Variants in PHF3 observed in about 807,000 individuals in gnomAD.
PHF3 encodes the protein PHD finger protein 3.
PHF3 carries 41 observed loss-of-function variants against 178.4 expected under a neutral mutation model. That is an observed-to-expected ratio of 0.23 (90% confidence interval 0.18 to 0.30). The LOEUF (loss-of-function observed/expected upper bound fraction) is 0.30, where lower values mean the gene tolerates loss of function less well. PHF3 is among the 10% of genes least tolerant of loss of function. The probability of loss-of-function intolerance (pLI) is 1.00; values close to 1 mark genes in which losing one functional copy is unlikely to be tolerated. For missense variants in PHF3, 2,346 were observed against 2,398.1 expected (o/e 0.98, Z 0.45); for synonymous variants, 842 against 800.5 (o/e 1.05, Z -0.88).
intron 2 of PHF3, among the ~76,000 whole-genome samples, chr6:63,671,811 A>G (rs1371409906): frequency 6.6e-6 from 1 of 152,130 alleles, no homozygotes; most frequent in Non-Finnish European, 1.5e-5. Context: ...CAGTGGTGCG[A>G]TCTCGGCTCA....
intron 6 of PHF3, among the ~76,000 whole-genome samples, chr6:63,697,795 T>G (rs1018406654): frequency 5.3e-5 from 8 of 152,162 alleles, no homozygotes; most frequent in Non-Finnish European, 2.9e-5. Context: ...CAGTGGGATG[T>G]TTGACATTGA....
chr6:63,698,373 A>G lies in PHF3; in HGVS notation c.2825+6A>G, dbSNP rs1428560193. The G allele has an allele frequency of 2.5e-6, 4 of 1,597,628 alleles. No homozygotes were observed. The highest frequency in any genetic ancestry group is 1.7e-5 in the Admixed American group (1 of 58,486). On this transcript the variant is annotated splice_donor_region_variant and intron_variant, in intron 7 of 15. Transcript: ENST00000262043. ...AAAGACATTCTTATGAAGAGGTAAC[A>G]TATATTTTTATTATAGAAGTATCAA...
At position 63,717,070 on chromosome 6, in the gene PHF3, A is replaced by G. The variant is rs1040891345; in HGVS notation, c.*3362A>G. 1.3e-5 allele frequency among the ~76,000 whole-genome samples: 2 copies of G among 152,118 alleles called. No individual in the cohort carries two copies. Among genetic ancestry groups the G allele is most frequent in the Non-Finnish European group, 2.9e-5 (2 of 68,004 alleles). ...GGGTGAATTAATCTGAAATCTTTAT[A>G]GAATAGCTAAGGCTATAGTAAATAC... is the stretch of plus-strand genomic sequence containing the variant. On this transcript the variant is annotated 3_prime_UTR_variant, in exon 16 of 16. Coordinates refer to ENST00000262043, the MANE Select transcript of PHF3 (RefSeq NM_001370348.2).
chr6:63,669,033 C>T (rs540978567), intron 2 of PHF3, among the ~76,000 whole-genome samples: 1 of 152,176 alleles, frequency 6.6e-6, no homozygotes, highest in Non-Finnish European at 1.5e-5. Context: ...AAATTTTTCC[C>T]TTATCTTAAG....
intron 2 of PHF3, among the ~76,000 whole-genome samples, chr6:63,648,918 A>G (rs1008432824): frequency 1.3e-5 from 2 of 152,098 alleles, no homozygotes; most frequent in Non-Finnish European, 2.9e-5. Flanking sequence ...TCATTGTGCC[A>G]TCTAGCAGGG....
rs1457977721 is a variant in PHF3, at chr6:63,691,857, T to C, written c.2310T>C (p.Cys770=). 6.2e-7 allele frequency: 1 copy of C among 1,613,792 alleles called. No homozygotes were observed. The highest frequency in any genetic ancestry group is 1.1e-5 in the South Asian group (1 of 91,080). ...AAGAATATGTCTGTGTAAAATGTTG[T>C]GCTGAAGAAGACAAAAAGACTGAAA... ...EDKEYVCVKC[C]AEEDKKTEIL... is the part of the protein sequence containing the mutation. The change falls in exon 5 of 16, where the codon TGT becomes TGC. Residue 770 remains cysteine, a synonymous_variant. Transcript: ENST00000262043.
chr6:63,713,674 G>A lies in PHF3; in HGVS notation c.6086G>A (p.Arg2029Lys), dbSNP rs1024307044. 6.3e-7 allele frequency: 1 copy of A among 1,579,370 alleles called. No individual in the cohort carries two copies. Among genetic ancestry groups the A allele is most frequent in the Non-Finnish European group, 8.5e-7 (1 of 1,170,254 alleles). ...GACAGGGATAGGTACCACAAAGATA[G>A]GGACCACACTGACAGAACTAAAAGC... is the stretch of plus-strand genomic sequence containing the variant. Reference protein sequence around the residue: ...EKDRDRYHKDRDHTDRTKSKR With the variant: ...EKDRDRYHKDKDHTDRTKSKR Residue 2029 changes from arginine (R) to lysine (K), a missense_variant, in exon 16 of 16, where the codon AGG becomes AAG. Transcript: ENST00000262043.
rs368894996 is a variant in PHF3, at chr6:63,680,013, C to A, written c.258C>A (p.Asp86Glu). ...QMPCSTVVGL[D>E]DIMDEGVVKE... Reference sequence around the variant, plus strand: ...GTTTTTTTCTAGTTGTTGGTCTTGACGATATTATGGATGAAGGAGTTGTTA... The same window carrying A: ...GTTTTTTTCTAGTTGTTGGTCTTGAAGATATTATGGATGAAGGAGTTGTTA... The change falls in exon 3 of 16, where the codon GAC becomes GAA. Residue 86 changes from aspartate (D) to glutamate (E), a missense_variant. By Grantham distance (45) the Asp-to-Glu change is conservative. This residue lies in a region of PHF3 where 843 missense variants were observed against 795.2 expected (regional missense o/e 1.06). Coordinates refer to ENST00000262043, the MANE Select transcript of PHF3 (RefSeq NM_001370348.2). 1 of 1,609,138 alleles carries A rather than the reference C, an allele frequency of 6.2e-7. No homozygotes were observed. Among genetic ancestry groups the A allele is most frequent in the Non-Finnish European group, 8.5e-7 (1 of 1,177,852 alleles).
At chr6:63,648,713 G>A (rs1764892617) in intron 2 of PHF3, among the ~76,000 whole-genome samples, 1 of 152,036 alleles carries the variant, frequency 6.6e-6, no homozygotes, top group Non-Finnish European at 1.5e-5. Context: ...TCTTTTAAAT[G>A]AACTTTTAAA....
At position 63,725,286 on chromosome 6, in the gene PHF3, TGTGTATTA is replaced by T. The variant is rs931621416; in HGVS notation, c.*11583_*11590del. 1.6e-4 allele frequency among the ~76,000 whole-genome samples: 25 copies of T among 152,078 alleles called. No homozygotes were observed. Among genetic ancestry groups the T allele is most frequent in the Non-Finnish European group, 2.9e-4 (20 of 67,972 alleles). On this transcript the variant is annotated 3_prime_UTR_variant, in exon 16 of 16. Coordinates refer to ENST00000262043, the MANE Select transcript of PHF3 (RefSeq NM_001370348.2). The stretch of plus-strand genomic sequence containing the variant: ...AAGAAGATGTGCTCTTGCCCTCCTA[TGTGTATTA>T]GTGTGTATGAGCTTTATATTTCATA...
chr6:63,667,323 TA>T (rs1163491598), intron 2 of PHF3, among the ~76,000 whole-genome samples: 6 of 152,214 alleles, frequency 3.9e-5, no homozygotes, highest in Non-Finnish European at 7.4e-5. Context: ...TTTTAAGCTT[TA>T]AAAAAATTTT....
intron 2 of PHF3, among the ~76,000 whole-genome samples, chr6:63,668,339 C>T (rs369584752): frequency 6.6e-6 from 1 of 152,106 alleles, no homozygotes; most frequent in African/African-American, 2.4e-5. Context: ...GCTTCCTCCT[C>T]CCTCCCCCTT....
chr6:63,712,896 AC>A lies in PHF3; in HGVS notation c.5309del (p.Thr1770AsnfsTer29). On this transcript the variant is annotated frameshift_variant, in exon 16 of 16. Coordinates refer to ENST00000262043, the MANE Select transcript of PHF3 (RefSeq NM_001370348.2). LOFTEE classifies it high-confidence loss of function. Reference protein sequence around the residue: ...VATSHFEVGNTCPSEFPSKSI... With the variant: ...VATSHFEVGNXCPSEFPSKSI... ...GACATCTCATTTTGAAGTTGGAAAC[AC>A]ATGTCCATCAGAATTTCCTTCTAAA... The A allele has an allele frequency of 6.2e-7, 1 of 1,614,082 alleles. No individual in the cohort carries two copies. Among genetic ancestry groups the A allele is most frequent in the Non-Finnish European group, 8.5e-7 (1 of 1,179,968 alleles).
intron 9 of PHF3, among the ~76,000 whole-genome samples, chr6:63,701,977 A>T (rs1767496312): frequency 6.6e-6 from 1 of 152,114 alleles, no homozygotes; most frequent in Non-Finnish European, 1.5e-5. Context: ...TACTTGTTAT[A>T]CTTGCTTAAT....
Position 63,698,514 on chromosome 6 carries a change from A to G in PHF3, c.2891A>G (p.Lys964Arg). 6.2e-7 allele frequency: 1 copy of G among 1,605,454 alleles called. No homozygotes were observed. Among genetic ancestry groups the G allele is most frequent in the Non-Finnish European group, 8.5e-7 (1 of 1,177,152 alleles). Residue 964 changes from lysine to arginine, a missense_variant, in exon 8 of 16, where the codon AAA (lysine) becomes AGA (arginine). Coordinates refer to ENST00000262043, the MANE Select transcript of PHF3 (RefSeq NM_001370348.2). ...GCAAAAGTTGCCACAAAAATTGAGA[A>G]AGAGCTTTTCTCTTTTTTTCGGGAC... Reference protein sequence around the residue: ...KAAKVATKIEKELFSFFRDTD... With the variant: ...KAAKVATKIERELFSFFRDTD...
chr6:63,636,989 TAAA>T (rs1764370577), intron 1 of PHF3, among the ~76,000 whole-genome samples: 1 of 152,130 alleles, frequency 6.6e-6, no homozygotes, highest in Non-Finnish European at 1.5e-5. Flanking sequence ...TTTGGGCTTT[TAAA>T]TGCCAATTCC....
chr6:63,683,973 T>A (rs1766552518), intron 3 of PHF3, among the ~76,000 whole-genome samples, 156 bp from the exon 4 acceptor site: 1 of 152,122 alleles, frequency 6.6e-6, no homozygotes, highest in Admixed American at 6.6e-5. Flanking sequence ...TATATGTGTA[T>A]ATATATCATG....
rs1768174778 is a variant in PHF3 at position 63,715,892 on chromosome 6, A to C, written c.*2184A>C. Among the ~76,000 whole-genome samples the C allele has an allele frequency of 6.6e-6, 1 of 152,118 alleles. No individual in the cohort carries two copies. The highest frequency in any genetic ancestry group is 6.6e-5 in the Admixed American group (1 of 15,238). Reference sequence around the variant, plus strand: ...GTCCCAGGTACAACCAGCCTTACACAAACTAGTGAATTACATGAATTTCAT... The same window carrying C: ...GTCCCAGGTACAACCAGCCTTACACCAACTAGTGAATTACATGAATTTCAT... On this transcript the variant is annotated 3_prime_UTR_variant, in exon 16 of 16. Transcript: ENST00000262043.
chr6:63,645,030 G>A (rs1026482977), intron 1 of PHF3, among the ~76,000 whole-genome samples: 17 of 151,332 alleles, frequency 1.1e-4, no homozygotes, highest in Non-Finnish European at 2.2e-4. Context: ...ACAGGCACAC[G>A]TCACCACACC....
Sources: gnomAD v4.1 joint callset for allele counts (sites outside exome capture counted in the v4.1 genomes callset) on GRCh38, gnomAD v4.1.1 for gene constraint, gnomAD v4.1.1 regional missense constraint, MANE v1.5 for transcripts, NCBI Gene and HGNC (gene_info 2026-07-23, HGNC 2026-07-21) for gene names.